KCTD7: variants seen among roughly 807,000 people sequenced by gnomAD.
KCTD7 encodes BTB/POZ domain-containing protein KCTD7.
A neutral mutation model predicts 27.0 loss-of-function variants in KCTD7; 15 were observed. The observed-to-expected ratio is 0.56, with a 90% CI of 0.37 to 0.86. The LOEUF is 0.86. KCTD7 is among the 40% of genes least tolerant of loss of function. KCTD7 has a pLI of 0.00. For missense variants in KCTD7, 299 were observed against 398.9 expected (o/e 0.75, Z 2.13); for synonymous variants, 159 against 162.7 (o/e 0.98, Z 0.17).
Position 66,639,391 on chromosome 7 carries a change from A to C in KCTD7, c.*159A>C, listed in dbSNP as rs947639717. 2 of 1,517,256 alleles carry C rather than the reference A, an allele frequency of 1.3e-6. No homozygotes were observed. The highest frequency in any genetic ancestry group is 1.8e-6 in the Non-Finnish European group (2 of 1,136,036). 94.0% of individuals were successfully genotyped at this position (1,517,256 alleles called of 1,614,324 possible). A position where few individuals can be genotyped will look rare whatever the true frequency, so the allele number is the denominator to read the frequency against. ...TCCCAGGGGACAGAGGTGTAGCTCC[A>C]ATCTCCCTGACTGCACCTCAGGGTT... is the stretch of plus-strand genomic sequence containing the variant. On this transcript the variant is annotated 3_prime_UTR_variant, in exon 4 of 4. Transcript: ENST00000639828.
chr7:66,629,031 C>G lies in KCTD7; in HGVS notation c.-34C>G. On this transcript the variant is annotated 5_prime_UTR_variant, in exon 1 of 4. Coordinates refer to ENST00000639828, the MANE Select transcript of KCTD7 (RefSeq NM_153033.5). ...TGCCCGGGGCCGCCGCCTCCGCCCG[C>G]CCGAAGCCGCGCCCACTGCCCAGAG... 1 of 1,483,376 alleles carries G rather than the reference C, an allele frequency of 6.7e-7. No individual in the cohort carries two copies. Among genetic ancestry groups the G allele is most frequent in the Non-Finnish European group, 9.0e-7 (1 of 1,114,106 alleles). 91.9% of individuals were successfully genotyped at this position (1,483,376 alleles called of 1,614,324 possible).
intron 2 of KCTD7, among the ~76,000 whole-genome samples, chr7:66,634,113 CATATATATATATATATATAT>C (rs3069693): frequency 7.6e-6 from 1 of 132,260 alleles, no homozygotes; most frequent in African/African-American, 3.0e-5. Context: ...TGTGTGTATA[CATATATATATATATATATAT>C]ATATGTATAT....
At chr7:66,633,880 C>A (rs1169032413) in intron 2 of KCTD7, among the ~76,000 whole-genome samples, 1 of 151,934 alleles carries the variant, frequency 6.6e-6, no homozygotes, top group East Asian at 1.9e-4. Flanking sequence ...CCCAGCTACT[C>A]AGGAAGCTGA....
chr7:66,640,682 G>A lies in KCTD7; in HGVS notation c.*1450G>A. On this transcript the variant is annotated 3_prime_UTR_variant, in exon 4 of 4. Transcript: ENST00000639828. ...CCAGCTACTTGGGCACACGCCTGTA[G>A]TCCAGGCCACTCGAGCACACACCTG... 1 of 1,280,000 alleles carries A rather than the reference G, an allele frequency of 7.8e-7. No individual in the cohort carries two copies. Among genetic ancestry groups the A allele is most frequent in the Non-Finnish European group, 9.9e-7 (1 of 1,011,304 alleles). 79.3% of individuals were successfully genotyped at this position (1,280,000 alleles called of 1,614,324 possible).
chr7:66,629,124 C>A lies in KCTD7; in HGVS notation c.60C>A (p.Ser20Arg), dbSNP rs868184670. Residue 20 changes from serine (S) to arginine (R), a missense_variant, in exon 1 of 4, where the codon AGC becomes AGA. Transcript: ENST00000639828. ...DSRRQDGAMS[S>R]SDAEDDFLEP... The stretch of plus-strand genomic sequence containing the variant: ...GTCGTCAGGACGGTGCCATGTCCAG[C>A]TCTGACGCCGAAGACGACTTTCTGG... The A allele has an allele frequency of 6.5e-7, 1 of 1,538,184 alleles. No homozygotes were observed.
downstream of KCTD7, chr7:66,643,133 G>C (rs1197821493): frequency 1.0e-6 from 1 of 981,884 alleles, no homozygotes; most frequent in Non-Finnish European, 1.2e-6. Context: ...TTTTATTTCT[G>C]CTTAAAATGT....
chr7:66,642,673 T>G lies in KCTD7; in HGVS notation c.*3441T>G. 1.0e-6 allele frequency: 1 copy of G among 985,440 alleles called. No individual in the cohort carries two copies. The highest frequency in any genetic ancestry group is 1.2e-6 in the Non-Finnish European group (1 of 829,936). The allele number at this position is 985,440 out of a possible 1,614,324, so 61.0% of individuals were successfully genotyped here. A position where few individuals can be genotyped will look rare whatever the true frequency, so the allele number is the denominator to read the frequency against. ...TTGGGTACTATTTTGCTGGGGCTCT[T>G]GCGTGAAGGTGGTACCTGTCTCATG... On this transcript the variant is annotated 3_prime_UTR_variant, in exon 4 of 4. Transcript: ENST00000639828.
chr7:66,639,305 T>C lies in KCTD7; in HGVS notation c.*73T>C. Reference sequence around the variant, plus strand: ...TTGGTGGCTCTGGGAGTAAGATCCCTGAAGGGGCTGCTGACTGCCCCAGAA... The same window carrying C: ...TTGGTGGCTCTGGGAGTAAGATCCCCGAAGGGGCTGCTGACTGCCCCAGAA... On this transcript the variant is annotated 3_prime_UTR_variant, in exon 4 of 4. Transcript: ENST00000639828. 3 of 1,597,902 alleles carry C rather than the reference T, an allele frequency of 1.9e-6. No homozygotes were observed. The highest frequency in any genetic ancestry group is 1.7e-6 in the Non-Finnish European group (2 of 1,179,398).
In KCTD7 at chr7:66,641,312, A is replaced by G. The variant is rs73702140; in HGVS notation, c.*2080A>G. On this transcript the variant is annotated 3_prime_UTR_variant, in exon 4 of 4. Transcript: ENST00000639828. ...GCCTAATATGTGTTCATTTTTTGAC[A>G]GAGAGGCAGACTATTGAAAAAGTCT... is the stretch of plus-strand genomic sequence containing the variant. 9.0e-3 allele frequency: 8,853 copies of G among 985,258 alleles called. 593 individuals carry two copies. In the African/African-American group the frequency reaches 0.14, roughly 16 times the overall value. The allele number at this position is 985,258 out of a possible 1,614,324, so 61.0% of individuals were successfully genotyped here.
rs563586708 is a variant in KCTD7 at position 66,642,148 on chromosome 7, T to C, written c.*2916T>C. The C allele has an allele frequency of 1.6e-5, 16 of 985,358 alleles. No individual in the cohort carries two copies. The highest frequency in any genetic ancestry group is 1.1e-4 in the East Asian group (1 of 8,822). 61.0% of individuals were successfully genotyped at this position (985,358 alleles called of 1,614,324 possible). On this transcript the variant is annotated 3_prime_UTR_variant, in exon 4 of 4. Transcript: ENST00000639828. ...CTTAAAAATAAAAAAGCTAATGTTA[T>C]AGCAACAAAAAAAGACTGAAGCAAA...
rs1786705383 is a variant in KCTD7, at chr7:66,641,140, GCTCT to G, written c.*1913_*1916del. Reference sequence around the variant, plus strand: ...TAGTCATTCACGTTCTGAGATATGCGCTCTCTCTATTGTTCTCGTACACAAAGGG... The same window carrying G: ...TAGTCATTCACGTTCTGAGATATGCGCTCTATTGTTCTCGTACACAAAGGG... On this transcript the variant is annotated 3_prime_UTR_variant, in exon 4 of 4. Transcript: ENST00000639828. 1 of 985,378 alleles carries G rather than the reference GCTCT, an allele frequency of 1.0e-6. No homozygotes were observed. Among genetic ancestry groups the G allele is most frequent in the Non-Finnish European group, 1.2e-6 (1 of 829,942 alleles). The allele number at this position is 985,378 out of a possible 1,614,324, so 61.0% of individuals were successfully genotyped here. A position where few individuals can be genotyped will look rare whatever the true frequency, so the allele number is the denominator to read the frequency against.
Position 66,641,300 on chromosome 7 carries a change from T to C in KCTD7, c.*2068T>C. On this transcript the variant is annotated 3_prime_UTR_variant, in exon 4 of 4. Coordinates refer to ENST00000639828, the MANE Select transcript of KCTD7 (RefSeq NM_153033.5). Reference sequence around the variant, plus strand: ...GTGTTACCTACTGCCTAATATGTGTTCATTTTTTGACAGAGAGGCAGACTA... The same window carrying C: ...GTGTTACCTACTGCCTAATATGTGTCCATTTTTTGACAGAGAGGCAGACTA... 1 of 985,392 alleles carries C rather than the reference T, an allele frequency of 1.0e-6. No individual in the cohort carries two copies. The highest frequency in any genetic ancestry group is 1.2e-6 in the Non-Finnish European group (1 of 829,926). 61.0% of individuals were successfully genotyped at this position (985,392 alleles called of 1,614,324 possible).
At position 66,640,602 on chromosome 7, in the gene KCTD7, A is replaced by AT. The variant is rs566380024; in HGVS notation, c.*1381dup. ...CCTGTCTCTTCCTGGGTAAAGGGAG[A>AT]TTTTTTTTTTTAATGTGTAAAGAAT... On this transcript the variant is annotated 3_prime_UTR_variant, in exon 4 of 4. Coordinates refer to ENST00000639828, the MANE Select transcript of KCTD7 (RefSeq NM_153033.5). 0.043 allele frequency: 37,979 copies of AT among 886,030 alleles called. 1 individual carries two copies. The highest frequency in any genetic ancestry group is 0.069 in the South Asian group (2,695 of 38,856). The allele number at this position is 886,030 out of a possible 1,614,324, so 54.9% of individuals were successfully genotyped here.
At chr7:66,632,211 G>T (rs1033655174) in intron 1 of KCTD7, among the ~76,000 whole-genome samples, 3 of 150,900 alleles carry the variant, frequency 2.0e-5, no homozygotes, top group Admixed American at 2.0e-4. Flanking sequence ...TAGCAGGCCG[G>T]GCGTGGTGGC....
chr7:66,639,754 C>T lies in KCTD7; in HGVS notation c.*522C>T. ...AGAGCATCTTCTCTCCCACTGCACC[C>T]CTTCTCCTCCAAGAATAGTTGCCCA... On this transcript the variant is annotated 3_prime_UTR_variant, in exon 4 of 4. Transcript: ENST00000639828. 8.0e-7 allele frequency: 1 copy of T among 1,250,328 alleles called. No individual in the cohort carries two copies. The highest frequency in any genetic ancestry group is 1.0e-6 in the Non-Finnish European group (1 of 998,296). The allele number at this position is 1,250,328 out of a possible 1,614,324, so 77.5% of individuals were successfully genotyped here.
intron 2 of KCTD7, among the ~76,000 whole-genome samples, chr7:66,637,553 C>G (rs1786616046): frequency 6.6e-6 from 1 of 151,926 alleles, no homozygotes; most frequent in South Asian, 2.1e-4. Flanking sequence ...AAAAAACAAA[C>G]TACTGGTTTG....
intron 2 of KCTD7, 28 bp downstream of exon 2, chr7:66,633,472 T>C: frequency 1.9e-6 from 3 of 1,611,888 alleles, no homozygotes; most frequent in Non-Finnish European, 2.5e-6. Context: ...CAATCAACTT[T>C]GTAGTCCTAG....
intron 1 of KCTD7, among the ~76,000 whole-genome samples, chr7:66,631,046 G>A (rs895441795): frequency 1.3e-5 from 2 of 152,270 alleles, no homozygotes; most frequent in Middle Eastern, 3.4e-3. Context: ...TAAGCGCAAG[G>A]CATTTTCATG....
At position 66,642,642 on chromosome 7, in the gene KCTD7, G is replaced by A. The variant is rs1786746970; in HGVS notation, c.*3410G>A. 1 of 985,258 alleles carries A rather than the reference G, an allele frequency of 1.0e-6. No homozygotes were observed. 61.0% of individuals were successfully genotyped at this position (985,258 alleles called of 1,614,324 possible). A position where few individuals can be genotyped will look rare whatever the true frequency, so the allele number is the denominator to read the frequency against. ...ATTTGATTCCAATATACATTATTAA[G>A]CTTTCTTGGGTACTATTTTGCTGGG... On this transcript the variant is annotated 3_prime_UTR_variant, in exon 4 of 4. Coordinates refer to ENST00000639828, the MANE Select transcript of KCTD7 (RefSeq NM_153033.5).
Sources: gnomAD v4.1 joint callset for allele counts (sites outside exome capture counted in the v4.1 genomes callset) on GRCh38, gnomAD v4.1.1 for gene constraint, MANE v1.5 for transcripts, NCBI Gene and HGNC (gene_info 2026-07-23, HGNC 2026-07-21) for gene names.